Variants in SPMIP2 observed in about 807,000 individuals in gnomAD.
SPMIP2 encodes protein SPMIP2.
At chr4:158,901,154 A>G in the SPMIP2 span, among the ~76,000 whole-genome samples, 1 of 116,206 alleles carries the variant, frequency 8.6e-6, no homozygotes, top group African/African-American at 3.5e-5. Flanking sequence ...TTTTTTTGAG[A>G]CAGAGTCTTG....
the SPMIP2 span, among the ~76,000 whole-genome samples, chr4:159,016,007 G>A: frequency 6.6e-6 from 1 of 152,318 alleles, no homozygotes; most frequent in East Asian, 1.9e-4. Context: ...TTCAGAGAAG[G>A]GTGTGGTCAG....
the SPMIP2 span, among the ~76,000 whole-genome samples, chr4:158,931,599 G>T: frequency 6.6e-6 from 1 of 151,696 alleles, no homozygotes; most frequent in South Asian, 2.1e-4. Flanking sequence ...ACAGGGTCTG[G>T]CTCTTTTGCC....
chr4:159,014,513 ATT>A, the SPMIP2 span, among the ~76,000 whole-genome samples: 8 of 151,294 alleles, frequency 5.3e-5, no homozygotes, highest in African/African-American at 1.5e-4. Context: ...TCTGAAACAA[ATT>A]TTTTTTTTAT....
the SPMIP2 span, among the ~76,000 whole-genome samples, chr4:158,899,138 G>A: frequency 3.3e-5 from 5 of 152,174 alleles, no homozygotes; most frequent in East Asian, 1.9e-4. Flanking sequence ...TTGTTTATGC[G>A]ATGGATTACC....
chr4:158,977,600 CTTTTTTTTTTTTTT>C, the SPMIP2 span, among the ~76,000 whole-genome samples: 7 of 72,388 alleles, frequency 9.7e-5, no homozygotes, highest in South Asian at 7.2e-4. Context: ...TCCTTCAGTT[CTTTTTTTTTTTTTT>C]TTTTTTTTTT....
the SPMIP2 span, among the ~76,000 whole-genome samples, chr4:158,894,262 C>CT: frequency 1.3e-5 from 2 of 150,884 alleles, no homozygotes. Context: ...CCTTGACCTC[C>CT]TAGGCTCAAG....
the SPMIP2 span, among the ~76,000 whole-genome samples, chr4:158,975,907 G>A: frequency 6.6e-6 from 1 of 152,144 alleles, no homozygotes; most frequent in African/African-American, 2.4e-5. Context: ...CCATTTTCAT[G>A]ATATTGATTC....
chr4:159,000,420 C>T, the SPMIP2 span, among the ~76,000 whole-genome samples: 5 of 151,740 alleles, frequency 3.3e-5, no homozygotes, highest in South Asian at 2.1e-4. Context: ...GATTAGTTTG[C>T]GGTTCCCAGA....
the SPMIP2 span, among the ~76,000 whole-genome samples, chr4:158,958,860 A>T: frequency 1.3e-5 from 2 of 152,220 alleles, no homozygotes; most frequent in Admixed American, 1.3e-4. Context: ...GGAGTTATAG[A>T]TGAGTCCAGG....
the SPMIP2 span, among the ~76,000 whole-genome samples, chr4:158,901,314 T>C: frequency 2.6e-5 from 4 of 152,186 alleles, no homozygotes; most frequent in Non-Finnish European, 5.9e-5. Flanking sequence ...TGTTGAATAT[T>C]GGCCCCCACT....
chr4:159,009,811 T>TA, the SPMIP2 span, among the ~76,000 whole-genome samples: 26 of 150,832 alleles, frequency 1.7e-4, no homozygotes, highest in African/African-American at 4.6e-4. Flanking sequence ...TCTCTGTTAA[T>TA]AAAAAAAAAT....
the SPMIP2 span, among the ~76,000 whole-genome samples, chr4:159,054,793 C>A: frequency 6.6e-6 from 1 of 152,214 alleles, no homozygotes; most frequent in African/African-American, 2.4e-5. Flanking sequence ...CACTATCTTT[C>A]ATGGTCTTCC....
chr4:159,063,550 A>AAAATAAAT, the SPMIP2 span, among the ~76,000 whole-genome samples: 956 of 148,636 alleles, frequency 6.4e-3, 10 homozygotes, highest in East Asian at 0.054. Flanking sequence ...ATCCTGTCTC[A>AAAATAAAT]AAATAAATAA....
At chr4:159,005,401 G>T in the SPMIP2 span, among the ~76,000 whole-genome samples, 3 of 152,026 alleles carry the variant, frequency 2.0e-5, no homozygotes, top group Non-Finnish European at 4.4e-5. Context: ...CCGAGATCAC[G>T]CCATTGCACC....
chr4:158,937,565 C>G, the SPMIP2 span: 1 of 154,310 alleles, frequency 6.5e-6, no homozygotes, highest in African/African-American at 2.4e-5. Context: ...AAATAAAGGT[C>G]CAAAGTAACA....
At chr4:159,082,445 T>TTCTCTC in the SPMIP2 span, among the ~76,000 whole-genome samples, 1 of 130,410 alleles carries the variant, frequency 7.7e-6, no homozygotes, top group Non-Finnish European at 1.7e-5. Context: ...AATTCCACTT[T>TTCTCTC]TCTCTGTGTG....
the SPMIP2 span, among the ~76,000 whole-genome samples, chr4:158,975,538 C>T: frequency 1.3e-5 from 2 of 152,156 alleles, no homozygotes; most frequent in East Asian, 1.9e-4. Context: ...TTTCCTAACA[C>T]CATTTATTAA....
chr4:158,905,178 T>A, the SPMIP2 span: 1 of 152,496 alleles, frequency 6.6e-6, no homozygotes, highest in Non-Finnish European at 1.5e-5. Flanking sequence ...TCATTTCTTC[T>A]TGGAGTTTAC....
chr4:159,070,658 A>G, the SPMIP2 span, among the ~76,000 whole-genome samples: 1 of 152,204 alleles, frequency 6.6e-6, no homozygotes, highest in African/African-American at 2.4e-5. Flanking sequence ...TCCTTCACAC[A>G]TAAGTCTTAT....
Sources: allele counts gnomAD v4.1 joint callset (sites outside exome capture counted in the v4.1 genomes callset), GRCh38; gene constraint gnomAD v4.1.1; transcripts MANE v1.5; gene names NCBI Gene and HGNC (gene_info 2026-07-23, HGNC 2026-07-21).